The following GNG7 variants were observed in gnomAD, a reference collection of about 807,000 sequenced individuals.
The protein encoded by GNG7 is G protein subunit gamma 7, also known as guanine nucleotide-binding protein G(I)/G(S)/G(O) subunit gamma-7.
In GNG7, 1 loss-of-function variant was observed where a neutral mutation model predicts 4.0. The observed-to-expected ratio is 0.25, with a 90% CI of 0.09 to 1.18. GNG7 has a LOEUF of 1.18. GNG7 is among the 50% of genes most tolerant of loss of function. GNG7 has a pLI of 0.50. For missense variants in GNG7, 86 were observed against 91.9 expected, an observed-to-expected ratio of 0.94 and a Z score of 0.26; for synonymous variants, 34 against 36.9, an observed-to-expected ratio of 0.92 and a Z score of 0.29.
chr19:2,606,664 ATAATT>A lies in GNG7; in HGVS notation c.-78+39555_-78+39559del, dbSNP rs1307268589. On this transcript the variant is annotated intron_variant, in intron 2 of 4. Coordinates refer to ENST00000382159, the MANE Select transcript of GNG7 (RefSeq NM_052847.3). The stretch of plus-strand genomic sequence containing the variant: ...GAGTGAAACTCTGTCTCAAAAAAAA[ATAATT>A]AATTAATTAATTAATTAATTAATTT... Among the ~76,000 whole-genome samples, 85 of 143,240 alleles carry A rather than the reference ATAATT, an allele frequency of 5.9e-4. 1 individual carries two copies. The highest frequency in any genetic ancestry group is 3.7e-3 in the Admixed American group (54 of 14,678). The allele number at this position is 143,240 out of a possible 152,430, so 94.0% of individuals were successfully genotyped here.
chr19:2,679,044 C>T (rs1159550969), intron 1 of GNG7, among the ~76,000 whole-genome samples: 1 of 152,114 alleles, frequency 6.6e-6, no homozygotes, highest in Admixed American at 6.6e-5. Context: ...ACATAAGTAA[C>T]ATATAGTACA....
At chr19:2,697,430 G>A (rs1033528120) in intron 1 of GNG7, among the ~76,000 whole-genome samples, 4 of 152,146 alleles carry the variant, frequency 2.6e-5, no homozygotes, top group Non-Finnish European at 4.4e-5. Flanking sequence ...CCCCTCGGGG[G>A]CCGCTGTGTG....
intron 2 of GNG7, among the ~76,000 whole-genome samples, chr19:2,556,586 A>G (rs1979551813): frequency 6.6e-6 from 1 of 151,880 alleles, no homozygotes; most frequent in Non-Finnish European, 1.5e-5. Context: ...ACACTTTCTC[A>G]GCAGCCCTGC....
intron 2 of GNG7, among the ~76,000 whole-genome samples, chr19:2,622,618 C>T (rs938323950): frequency 2.9e-5 from 4 of 139,790 alleles, no homozygotes; most frequent in African/African-American, 1.1e-4. Flanking sequence ...GAACCCAACG[C>T]GAGCAACGCG....
intron 2 of GNG7, among the ~76,000 whole-genome samples, chr19:2,574,825 C>G (rs943665204): frequency 2.6e-5 from 4 of 152,204 alleles, no homozygotes; most frequent in Admixed American, 1.3e-4. Context: ...TCCCCACCAG[C>G]CACGCACGAG....
At chr19:2,537,228 C>A (rs529896810) in intron 3 of GNG7, among the ~76,000 whole-genome samples, 2 of 151,396 alleles carry the variant, frequency 1.3e-5, no homozygotes, top group Non-Finnish European at 1.5e-5. Context: ...GGATTACAAG[C>A]ATGAGCCACC....
chr19:2,602,182 C>A (rs1981218528), intron 2 of GNG7, among the ~76,000 whole-genome samples: 1 of 151,236 alleles, frequency 6.6e-6, no homozygotes, highest in African/African-American at 2.4e-5. Flanking sequence ...ACTAAAAATG[C>A]AAAAATTAGC....
chr19:2,545,364 T>C (rs1053461547), intron 3 of GNG7, among the ~76,000 whole-genome samples: 6 of 151,926 alleles, frequency 3.9e-5, no homozygotes, highest in African/African-American at 1.5e-4. Context: ...GGTGCACACA[T>C]AGGCCGGGCA....
intron 1 of GNG7, among the ~76,000 whole-genome samples, chr19:2,688,572 T>G (rs1913057656): frequency 6.6e-6 from 1 of 152,134 alleles, no homozygotes; most frequent in African/African-American, 2.4e-5. Flanking sequence ...GAAGTAAGTC[T>G]GCACAATACC....
At chr19:2,693,022 G>T (rs1913170505) in intron 1 of GNG7, among the ~76,000 whole-genome samples, 1 of 151,848 alleles carries the variant, frequency 6.6e-6, no homozygotes, top group East Asian at 1.9e-4. Flanking sequence ...CAGGCACAGT[G>T]GTTCATGTCT....
rs1555698935 is a variant in GNG7 at position 2,633,495 on chromosome 19, A to ACACGCGCGCG, written c.-78+12728_-78+12729insCGCGCGCGTG. ...GGCGCGCGCGCGCGCGCGCACACACACACACACACACACACACACACACAC... is the reference window on the plus strand; with the variant it reads ...GGCGCGCGCGCGCGCGCGCACACACACACGCGCGCGCACACACACACACACACACACACAC... On this transcript the variant is annotated intron_variant, in intron 2 of 4. Transcript: ENST00000382159. This position sits in a 1 kb window ranked among gnomAD's most constrained non-coding sequence, Gnocchi z 5.9. 8.7e-6 allele frequency among the ~76,000 whole-genome samples: 1 copy of ACACGCGCGCG among 114,436 alleles called. No homozygotes were observed. Among genetic ancestry groups the ACACGCGCGCG allele is most frequent in the African/African-American group, 3.6e-5 (1 of 27,456 alleles). 75.1% of individuals were successfully genotyped at this position (114,436 alleles called of 152,430 possible).
At chr19:2,635,489 C>T (rs140188799) in intron 2 of GNG7, among the ~76,000 whole-genome samples, 160 of 152,146 alleles carry the variant, frequency 1.1e-3, no homozygotes, top group African/African-American at 3.6e-3. Flanking sequence ...CCTCCTCACT[C>T]GGAGTGTGGA....
At chr19:2,582,443 A>G (rs950224116) in intron 2 of GNG7, among the ~76,000 whole-genome samples, 4 of 152,168 alleles carry the variant, frequency 2.6e-5, no homozygotes, top group African/African-American at 9.7e-5. Context: ...AATAAAAAAG[A>G]TTATAGATCA....
At position 2,581,455 on chromosome 19, in the gene GNG7, G is replaced by C. The variant is rs572619471; in HGVS notation, c.-77-26267C>G. 2.2e-3 allele frequency among the ~76,000 whole-genome samples: 329 copies of C among 152,254 alleles called. 1 individual carries two copies. The highest frequency in any genetic ancestry group is 3.5e-3 in the Non-Finnish European group (239 of 68,004). ...GAGTTCCCAAACCACAGGGGGGTGA[G>C]AACAGGTCTGAGGCTGTGGGGTGGG... On this transcript the variant is annotated intron_variant, in intron 2 of 4. Transcript: ENST00000382159.
chr19:2,664,219 CGTT>C (rs1983248031), intron 1 of GNG7, among the ~76,000 whole-genome samples: 1 of 152,218 alleles, frequency 6.6e-6, no homozygotes, highest in African/African-American at 2.4e-5. Context: ...CGTCTTGTCT[CGTT>C]GGAGGCTGGA....
chr19:2,533,484 T>C (rs8101463), intron 3 of GNG7, among the ~76,000 whole-genome samples: 52,966 of 151,984 alleles, frequency 0.35, 9,584 homozygotes, highest in East Asian at 0.51. Flanking sequence ...GAGCTGTTGG[T>C]GTACACAGGT....
At chr19:2,635,479 C>T (rs1982283104) in intron 2 of GNG7, among the ~76,000 whole-genome samples, 1 of 152,194 alleles carries the variant, frequency 6.6e-6, no homozygotes, top group Admixed American at 6.5e-5. Flanking sequence ...CTCTTCTCTC[C>T]CTCCTCACTC....
intron 2 of GNG7, among the ~76,000 whole-genome samples, chr19:2,584,230 G>A (rs113035057): frequency 9.8e-4 from 147 of 149,574 alleles, no homozygotes; most frequent in Middle Eastern, 3.4e-3. Flanking sequence ...ATGGTTTAAG[G>A]TCAGGAGCTC....
At chr19:2,556,760 C>T (rs763428073) in intron 2 of GNG7, among the ~76,000 whole-genome samples, 2 of 152,160 alleles carry the variant, frequency 1.3e-5, no homozygotes, top group Non-Finnish European at 2.9e-5. Flanking sequence ...CAGGGTCTCT[C>T]CTCCCACCCA....
Sources: gnomAD v4.1 joint callset for allele counts (sites outside exome capture counted in the v4.1 genomes callset) on GRCh38, gnomAD v4.1.1 for gene constraint, Gnocchi (gnomAD v3.1) non-coding constraint, MANE v1.5 for transcripts, NCBI Gene and HGNC (gene_info 2026-07-23, HGNC 2026-07-21) for gene names.